Variants in DCLK1 observed in about 807,000 individuals in gnomAD.
The protein encoded by DCLK1 is serine/threonine-protein kinase DCLK1.
A neutral mutation model predicts 86.2 loss-of-function variants in DCLK1; 16 were observed. The ratio of observed to expected loss-of-function variants is 0.19; its 90% CI spans 0.13 to 0.28. The LOEUF is 0.28. Among genes scored for constraint, DCLK1 ranks in the 10% least tolerant of loss-of-function variants. The pLI is 1.00. For missense variants in DCLK1, 590 were observed against 940.2 expected (o/e 0.63, Z 4.87); for synonymous variants, 369 against 370.5 (o/e 1.00, Z 0.05).
At chr13:35,958,162 T>TCACCACCACCACCACTATAACCACCAC (rs1878188983) in intron 3 of DCLK1, among the ~76,000 whole-genome samples, 1 of 10,488 alleles carries the variant, frequency 9.5e-5, no homozygotes, top group Non-Finnish European at 3.9e-4. Context: ...ACTATAACCA[T>TCACCACCACCACCACTATAACCACCAC]CACCACCATC....
At chr13:35,803,141 A>G (rs915146172) in intron 15 of DCLK1, among the ~76,000 whole-genome samples, 2 of 152,164 alleles carry the variant, frequency 1.3e-5, no homozygotes, top group Non-Finnish European at 2.9e-5. Context: ...TCTGGCTGCA[A>G]ATTCTGGCTC....
At chr13:35,934,194 C>T (rs1011282053) in intron 4 of DCLK1, among the ~76,000 whole-genome samples, 9 of 152,126 alleles carry the variant, frequency 5.9e-5, no homozygotes, top group South Asian at 4.1e-4. Context: ...TTGTCCATAT[C>T]GCTATCACCA....
In DCLK1 at chr13:36,126,001, G is replaced by C; in HGVS notation, c.137C>G (p.Thr46Arg). The part of the protein sequence containing the change: ...SAHCSFYRTR[T>R]LQTLSSEKKA... ...CTTCTCGGAGCTGAGCGTCTGCAGC[G>C]TGCGGGTGCGGTAGAAGCTGCAGTG... Residue 46 changes from threonine to arginine, a missense_variant, in exon 2 of 17, where the codon ACG becomes AGG. Physicochemically the swap from Thr to Arg is moderately conservative, Grantham distance 71. Around this residue, in one of 6 missense-constraint regions of DCLK1, gnomAD observed 195 missense variants for 365.1 expected, o/e 0.53. Coordinates refer to ENST00000360631, the MANE Select transcript of DCLK1 (RefSeq NM_001330071.2). 1.2e-6 allele frequency: 2 copies of C among 1,614,100 alleles called. No individual in the cohort carries two copies. The highest frequency in any genetic ancestry group is 1.7e-6 in the Non-Finnish European group (2 of 1,180,024).
At chr13:35,975,650 G>A (rs1462782857) in intron 3 of DCLK1, among the ~76,000 whole-genome samples, 1 of 151,712 alleles carries the variant, frequency 6.6e-6, no homozygotes, top group Non-Finnish European at 1.5e-5. Flanking sequence ...CCCTGAGCAC[G>A]GGGATGAGTT....
At position 35,947,367 on chromosome 13, in the gene DCLK1, C is replaced by G. The variant is rs2153133307; in HGVS notation, c.814G>C (p.Asp272His). 1 of 1,613,492 alleles carries G rather than the reference C, an allele frequency of 6.2e-7. No homozygotes were observed. Among genetic ancestry groups the G allele is most frequent in the East Asian group, 2.2e-5 (1 of 44,856 alleles). Residue 272 changes from aspartate (D) to histidine (H), a missense_variant, in exon 4 of 17, where the codon GAT (aspartate) becomes CAT (histidine). Physicochemically the swap from Asp to His is moderately conservative, Grantham distance 81. Around this residue, in one of 6 missense-constraint regions of DCLK1, gnomAD observed 195 missense variants for 365.1 expected, o/e 0.53. Coordinates refer to ENST00000360631, the MANE Select transcript of DCLK1 (RefSeq NM_001330071.2). ...CTTTTTTTTTCCTTACCACTTTCAT[C>G]TAGCAAGAAATCATCCTGGTAACGG... ...KFRYQDDFLL[D>H]ESECRVVKST...
chr13:35,809,195 AC>A, intron 12 of DCLK1, 100 bp from the exon 13 acceptor site: 1 of 867,264 alleles, frequency 1.2e-6, no homozygotes, highest in Non-Finnish European at 1.7e-6. Flanking sequence ...CAAAAATAAA[AC>A]CAAACAAAAT....
At chr13:35,848,826 C>A (rs933687671) in intron 6 of DCLK1, 5 of 985,124 alleles carry the variant, frequency 5.1e-6, no homozygotes, top group Admixed American at 6.2e-5. Context: ...TTTATGGACC[C>A]AACTGTATTA....
chr13:36,000,314 A>G (rs546471165), intron 3 of DCLK1, among the ~76,000 whole-genome samples: 1 of 152,232 alleles, frequency 6.6e-6, no homozygotes, highest in East Asian at 1.9e-4. Flanking sequence ...CAAGTCAGCT[A>G]TCTTTGGATA....
chr13:36,111,793 T>C (rs1005057928), intron 3 of DCLK1, 76 bp downstream of exon 3: 4 of 1,350,650 alleles, frequency 3.0e-6, no homozygotes, highest in Admixed American at 4.1e-5. Flanking sequence ...GCAAAATGTA[T>C]GCTTTAGCCA....
At chr13:35,781,271 C>CT (rs2086520333) in intron 16 of DCLK1, among the ~76,000 whole-genome samples, 3 of 152,276 alleles carry the variant, frequency 2.0e-5, no homozygotes, top group Admixed American at 2.0e-4. Flanking sequence ...GGAGAATTAG[C>CT]TTTTTGTCCT....
At chr13:35,971,153 T>C (rs1187042800) in intron 3 of DCLK1, among the ~76,000 whole-genome samples, 8 of 152,196 alleles carry the variant, frequency 5.3e-5, no homozygotes. Context: ...AGATTTCCAC[T>C]CTTCCACAAG....
chr13:35,989,357 C>T (rs983779508), intron 3 of DCLK1, among the ~76,000 whole-genome samples: 4 of 152,082 alleles, frequency 2.6e-5, no homozygotes, highest in Non-Finnish European at 4.4e-5. Context: ...CTGCAACATC[C>T]GCCTCCTGGG....
intron 15 of DCLK1, among the ~76,000 whole-genome samples, chr13:35,801,492 T>C (rs2086917785): frequency 7.6e-6 from 1 of 131,828 alleles, no homozygotes; most frequent in Admixed American, 7.8e-5. Flanking sequence ...TCTGTTTGAA[T>C]TACAGAAAGG....
intron 3 of DCLK1, among the ~76,000 whole-genome samples, chr13:36,001,227 C>G (rs536292827): frequency 6.6e-6 from 1 of 152,158 alleles, no homozygotes; most frequent in African/African-American, 2.4e-5. Context: ...GGATTATAGG[C>G]GTGAGCCACC....
chr13:35,863,052 T>C (rs931526167), intron 5 of DCLK1, among the ~76,000 whole-genome samples: 2 of 152,204 alleles, frequency 1.3e-5, no homozygotes, highest in African/African-American at 4.8e-5. Flanking sequence ...TTGCTTACAA[T>C]TGCTAGGATA....
chr13:35,782,621 A>G (rs1307571261), intron 16 of DCLK1, among the ~76,000 whole-genome samples: 1 of 152,192 alleles, frequency 6.6e-6, no homozygotes, highest in Non-Finnish European at 1.5e-5. Context: ...CAAATTCTTC[A>G]AAAACATGTC....
At chr13:36,027,835 T>C (rs960258873) in intron 3 of DCLK1, among the ~76,000 whole-genome samples, 1 of 152,150 alleles carries the variant, frequency 6.6e-6, no homozygotes, top group African/African-American at 2.4e-5. Context: ...CATGCTCAAG[T>C]GACCCTCCCA....
chr13:36,028,580 T>C (rs1374625825), intron 3 of DCLK1, among the ~76,000 whole-genome samples: 1 of 152,202 alleles, frequency 6.6e-6, no homozygotes, highest in Non-Finnish European at 1.5e-5. Flanking sequence ...ACCCAGGTGA[T>C]GTCAGAGGCG....
chr13:36,123,658 C>T (rs1886067254), intron 2 of DCLK1, among the ~76,000 whole-genome samples: 2 of 152,242 alleles, frequency 1.3e-5, no homozygotes, highest in African/African-American at 4.8e-5. Context: ...CATTTAACCA[C>T]ACTGTACCTT....
Sources: gnomAD v4.1 joint callset for allele counts (sites outside exome capture counted in the v4.1 genomes callset) on GRCh38, gnomAD v4.1.1 for gene constraint, gnomAD v4.1.1 regional missense constraint, MANE v1.5 for transcripts, NCBI Gene and HGNC (gene_info 2026-07-23, HGNC 2026-07-21) for gene names.